ATP8A1: variants seen among roughly 807,000 people sequenced by gnomAD.
ATP8A1 encodes the protein ATPase phospholipid transporting 8A1.
Under a neutral mutation model 177.7 loss-of-function variants are expected in ATP8A1, and 90 were observed. The observed-to-expected ratio is 0.51, with a 90% CI of 0.43 to 0.60. The LOEUF is 0.60. Ranked by LOEUF, ATP8A1 falls within the 20% of genes least tolerant of loss-of-function variation. The pLI, the probability that ATP8A1 is intolerant of heterozygous loss-of-function variation, is 0.00. For missense variants in ATP8A1, 1,072 were observed against 1,392.8 expected, an observed-to-expected ratio of 0.77 and a Z score of 3.67; for synonymous variants, 493 against 485.9, an observed-to-expected ratio of 1.01 and a Z score of -0.19.
In ATP8A1 at chr4:42,622,581, G is replaced by GA. The variant is rs201271897; in HGVS notation, c.363+1954dup. Among the ~76,000 whole-genome samples, 1,307 of 149,658 alleles carry GA rather than the reference G, an allele frequency of 8.7e-3. 21 individuals carry two copies. The highest frequency in any genetic ancestry group is 0.03 in the African/African-American group (1,226 of 40,820). On this transcript the variant is annotated intron_variant, in intron 4 of 36. Coordinates refer to ENST00000381668, the MANE Select transcript of ATP8A1 (RefSeq NM_006095.2). ...TAAAGAGCTTTTGCACAGCAAAAAAGAAAAAAAAACAACAGAGTAAACAGA... is the reference window on the plus strand; with the variant it reads ...TAAAGAGCTTTTGCACAGCAAAAAAGAAAAAAAAAACAACAGAGTAAACAGA...
At chr4:42,436,058 A>G (rs1033303342) in intron 33 of ATP8A1, among the ~76,000 whole-genome samples, 14 of 152,174 alleles carry the variant, frequency 9.2e-5, no homozygotes, top group Non-Finnish European at 7.3e-5. Context: ...TAAGTCCTCA[A>G]CACATATTTA....
Position 42,613,987 on chromosome 4 carries a change from T to C in ATP8A1, c.409+2046A>G, listed in dbSNP as rs76931142. On this transcript the variant is annotated intron_variant, in intron 5 of 36. Transcript: ENST00000381668. ...ATTCTGTTGACTGAAATGGCTTTTA[T>C]AGCTAAGCCCTAATATTTCATTTTT... is the stretch of plus-strand genomic sequence containing the variant. Among the ~76,000 whole-genome samples, 1,177 of 152,258 alleles carry C rather than the reference T, an allele frequency of 7.7e-3. 19 individuals are homozygous for C. The highest frequency in any genetic ancestry group is 0.027 in the African/African-American group (1,115 of 41,560).
chr4:42,433,559 C>G (rs1433623662), intron 33 of ATP8A1, among the ~76,000 whole-genome samples: 1 of 152,034 alleles, frequency 6.6e-6, no homozygotes, highest in Non-Finnish European at 1.5e-5. Flanking sequence ...CAGATAAACC[C>G]CAATATGTTT....
At chr4:42,540,756 A>G (rs1728308125) in intron 20 of ATP8A1, among the ~76,000 whole-genome samples, 1 of 152,184 alleles carries the variant, frequency 6.6e-6, no homozygotes, top group Admixed American at 6.5e-5. Flanking sequence ...GGTAGAAAGT[A>G]CAAACACCAA....
chr4:42,471,803 G>A, intron 25 of ATP8A1: 4 of 502,298 alleles, frequency 8.0e-6, no homozygotes, highest in South Asian at 5.2e-5. Context: ...TTAGCAAGGA[G>A]AAGGCCATGT....
intron 1 of ATP8A1, among the ~76,000 whole-genome samples, chr4:42,645,689 A>G (rs929189661): frequency 6.6e-6 from 1 of 152,226 alleles, no homozygotes; most frequent in African/African-American, 2.4e-5. Context: ...TCCACATTGG[A>G]CACACTTTTC....
chr4:42,546,659 A>T (rs1387669283), intron 19 of ATP8A1, among the ~76,000 whole-genome samples: 1 of 151,338 alleles, frequency 6.6e-6, no homozygotes. Flanking sequence ...ACTCTTTCAC[A>T]TTTCACCTTC....
chr4:42,488,619 C>A (rs1445352412), intron 24 of ATP8A1, among the ~76,000 whole-genome samples: 1 of 152,190 alleles, frequency 6.6e-6, no homozygotes, highest in Non-Finnish European at 1.5e-5. Context: ...ACAGCTGACA[C>A]AATAAAGTCT....
intron 20 of ATP8A1, 70 bp from the exon 21 acceptor site, chr4:42,524,917 C>A: frequency 1.0e-6 from 1 of 954,608 alleles, no homozygotes; most frequent in Non-Finnish European, 1.6e-6. Flanking sequence ...ATGTTGGTAA[C>A]AATAGCAGTA....
chr4:42,441,051 T>C (rs1716585616), intron 33 of ATP8A1, among the ~76,000 whole-genome samples: 1 of 152,222 alleles, frequency 6.6e-6, no homozygotes, highest in Admixed American at 6.5e-5. Context: ...ACCTACACCC[T>C]GCATCAGGAA....
chr4:42,558,259 A>G (rs1730452919), intron 15 of ATP8A1, among the ~76,000 whole-genome samples: 1 of 152,248 alleles, frequency 6.6e-6, no homozygotes, highest in Admixed American at 6.5e-5. Flanking sequence ...TAAAAATAAT[A>G]GGACTGTTAG....
intron 6 of ATP8A1, chr4:42,594,221 A>G (rs1734489799): frequency 2.5e-6 from 2 of 814,940 alleles, no homozygotes; most frequent in African/African-American, 3.4e-5. Flanking sequence ...CCTTGGAGAA[A>G]TCACAAGGTC....
Position 42,635,867 on chromosome 4 carries a change from C to T in ATP8A1, c.50-8758G>A, listed in dbSNP as rs185474812. Among the ~76,000 whole-genome samples the T allele has an allele frequency of 2.2e-3, 315 of 144,130 alleles. 2 individuals carry two copies. The highest frequency in any genetic ancestry group is 7.4e-3 in the Middle Eastern group (2 of 272). The allele number at this position is 144,130 out of a possible 152,430, so 94.6% of individuals were successfully genotyped here. On this transcript the variant is annotated intron_variant, in intron 1 of 36. Coordinates refer to ENST00000381668, the MANE Select transcript of ATP8A1 (RefSeq NM_006095.2). ...GCAGGTGCAGCAGCTCCTGGAAGCA[C>T]ATGAAAAGCTTACAGAAAGGTTGAG...
chr4:42,589,709 G>A (rs974492157), intron 7 of ATP8A1, among the ~76,000 whole-genome samples: 1 of 151,994 alleles, frequency 6.6e-6, no homozygotes, highest in Non-Finnish European at 1.5e-5. Flanking sequence ...CTCGAAATTT[G>A]TAATTTACTT....
At chr4:42,533,240 G>A (rs947864092) in intron 20 of ATP8A1, among the ~76,000 whole-genome samples, 1 of 152,176 alleles carries the variant, frequency 6.6e-6, no homozygotes, top group Non-Finnish European at 1.5e-5. Flanking sequence ...TGGGAAGCTT[G>A]TAGCTGGGGG....
chr4:42,497,677 C>T (rs754787060), intron 24 of ATP8A1, among the ~76,000 whole-genome samples: 2 of 152,176 alleles, frequency 1.3e-5, no homozygotes, highest in Non-Finnish European at 2.9e-5. Flanking sequence ...ATTCTATGAG[C>T]CCAGACAATG....
intron 1 of ATP8A1, among the ~76,000 whole-genome samples, chr4:42,655,427 C>T (rs532635647): frequency 6.6e-6 from 1 of 152,256 alleles, no homozygotes; most frequent in East Asian, 1.9e-4. Flanking sequence ...AATATAGGAC[C>T]CATCAATTGC....
At chr4:42,429,718 A>C (rs913568812) in intron 33 of ATP8A1, among the ~76,000 whole-genome samples, 3 of 152,218 alleles carry the variant, frequency 2.0e-5, no homozygotes, top group Admixed American at 6.5e-5. Context: ...ACTATAGCCA[A>C]AGGGTGGAAA....
intron 15 of ATP8A1, among the ~76,000 whole-genome samples, chr4:42,568,412 CA>C (rs1467234541): frequency 4.6e-5 from 7 of 151,868 alleles, no homozygotes; most frequent in African/African-American, 1.5e-4. Flanking sequence ...CTAAAGTTAC[CA>C]ACATTAAAGG....
Sources: gnomAD v4.1 joint callset for allele counts (sites outside exome capture counted in the v4.1 genomes callset) on GRCh38, gnomAD v4.1.1 for gene constraint, MANE v1.5 for transcripts, NCBI Gene and HGNC (gene_info 2026-07-23, HGNC 2026-07-21) for gene names.